MYO3B: variants seen among roughly 807,000 people sequenced by gnomAD.
The protein encoded by MYO3B is myosin IIIB, also known as myosin-IIIb.
In MYO3B, 156 loss-of-function variants were observed where a neutral mutation model predicts 174.6. The ratio of observed to expected loss-of-function variants is 0.89; its 90% confidence interval spans 0.78 to 1.02. MYO3B has a LOEUF of 1.02. Among genes scored for constraint, MYO3B ranks in the 50% least tolerant of loss-of-function variants. MYO3B has a pLI of 0.00. For missense variants in MYO3B, 1,632 were observed against 1,639.4 expected, an observed-to-expected ratio of 1.00 and a Z score of 0.08; for synonymous variants, 563 against 569.1, an observed-to-expected ratio of 0.99 and a Z score of 0.15.
In MYO3B at chr2:170,653,912, C is replaced by CAAAT. The variant is rs1699152261; in HGVS notation, c.*794_*797dup. On this transcript the variant is annotated 3_prime_UTR_variant, in exon 35 of 35. Transcript: ENST00000408978. The stretch of plus-strand genomic sequence containing the variant: ...ATTCTGTAACTCTCCATTCACTGGT[C>CAAAT]AAATAACTCCATGAGGCTATCAGTG... 1 of 152,182 alleles carries CAAAT rather than the reference C, an allele frequency of 6.6e-6. No homozygotes were observed. The highest frequency in any genetic ancestry group is 1.5e-5 in the Non-Finnish European group (1 of 68,046). The allele number at this position is 152,182 out of a possible 1,614,324, so 9.4% of individuals were successfully genotyped here.
chr2:170,428,980 T>G (rs981800860), intron 22 of MYO3B, among the ~76,000 whole-genome samples: 1 of 152,328 alleles, frequency 6.6e-6, no homozygotes, highest in East Asian at 1.9e-4. Flanking sequence ...AAAAAGCAGT[T>G]ATAGTTCCAA....
chr2:170,552,546 T>A (rs530722605), intron 32 of MYO3B, among the ~76,000 whole-genome samples: 1 of 152,286 alleles, frequency 6.6e-6, no homozygotes, highest in East Asian at 1.9e-4. Flanking sequence ...CTTCCAAAAG[T>A]CTACACTCAT....
At chr2:170,576,197 T>TAA (rs1692771739) in intron 32 of MYO3B, among the ~76,000 whole-genome samples, 1 of 152,298 alleles carries the variant, frequency 6.6e-6, no homozygotes, top group South Asian at 2.1e-4. Flanking sequence ...CTACCACTCC[T>TAA]AAAGGCTGAG....
chr2:170,218,493 A>C (rs2092855430), intron 6 of MYO3B, among the ~76,000 whole-genome samples: 1 of 152,214 alleles, frequency 6.6e-6, no homozygotes, highest in Non-Finnish European at 1.5e-5. Context: ...GACAAATGAT[A>C]CTGTTTTGTG....
chr2:170,481,580 A>G (rs573836499), intron 25 of MYO3B, among the ~76,000 whole-genome samples: 1 of 152,326 alleles, frequency 6.6e-6, no homozygotes, highest in South Asian at 2.1e-4. Context: ...TTCAAAAAAA[A>G]ATTTAAAAAT....
chr2:170,607,150 A>G (rs776090070), intron 32 of MYO3B, among the ~76,000 whole-genome samples: 1 of 152,260 alleles, frequency 6.6e-6, no homozygotes, highest in Non-Finnish European at 1.5e-5. Context: ...CTCAGTTATA[A>G]TAAGTCAAAT....
chr2:170,381,920 T>A, intron 9 of MYO3B, 96 bp from the exon 10 acceptor site: 1 of 995,842 alleles, frequency 1.0e-6, no homozygotes, highest in South Asian at 1.5e-5. Context: ...TCTGAACATA[T>A]CACGTGATAA....
At chr2:170,388,101 C>A (rs974813848) in intron 14 of MYO3B, among the ~76,000 whole-genome samples, 2 of 151,720 alleles carry the variant, frequency 1.3e-5, no homozygotes, top group African/African-American at 4.8e-5. Flanking sequence ...TTGTAGGACA[C>A]CAGAGTTTCT....
chr2:170,202,220 C>A (rs2105341584), intron 3 of MYO3B, among the ~76,000 whole-genome samples: 1 of 152,340 alleles, frequency 6.6e-6, no homozygotes, highest in African/African-American at 2.4e-5. Context: ...AGGGTGACCA[C>A]AGTAATGAAG....
intron 30 of MYO3B, among the ~76,000 whole-genome samples, chr2:170,540,684 GCAACAACAA>G (rs139653410): frequency 1.3e-5 from 2 of 149,096 alleles, no homozygotes; most frequent in Non-Finnish European, 1.5e-5. Flanking sequence ...CAAAAAAACA[GCAACAACAA>G]CAACAACAAC....
chr2:170,239,839 G>A (rs970413709), intron 7 of MYO3B, among the ~76,000 whole-genome samples: 1 of 152,206 alleles, frequency 6.6e-6, no homozygotes, highest in African/African-American at 2.4e-5. Flanking sequence ...AAACTCGGTG[G>A]ATTAAAGCAA....
intron 32 of MYO3B, among the ~76,000 whole-genome samples, chr2:170,595,823 C>G (rs1168124790): frequency 2.0e-5 from 3 of 151,976 alleles, no homozygotes; most frequent in Non-Finnish European, 4.4e-5. Context: ...GGCTTCTCTT[C>G]TCACTGTTAT....
intron 25 of MYO3B, among the ~76,000 whole-genome samples, chr2:170,493,192 A>T (rs1341053065): frequency 6.6e-6 from 1 of 152,190 alleles, no homozygotes; most frequent in Non-Finnish European, 1.5e-5. Context: ...ATATCTAAAC[A>T]AGCAAAAGCT....
chr2:170,372,594 T>A (rs558687861), intron 9 of MYO3B, among the ~76,000 whole-genome samples: 4 of 152,292 alleles, frequency 2.6e-5, no homozygotes, highest in African/African-American at 9.6e-5. Flanking sequence ...GCAAATCAGA[T>A]GCAGTTCCTG....
At chr2:170,643,204 T>C (rs532082205) in intron 32 of MYO3B, among the ~76,000 whole-genome samples, 4 of 152,206 alleles carry the variant, frequency 2.6e-5, no homozygotes, top group South Asian at 2.1e-4. Flanking sequence ...GCCTCTGTTA[T>C]CTCTTTAGGG....
intron 22 of MYO3B, among the ~76,000 whole-genome samples, chr2:170,437,863 A>G (rs1574977688): frequency 6.6e-6 from 1 of 152,118 alleles, no homozygotes; most frequent in Admixed American, 6.5e-5. Context: ...AACTTCCTTC[A>G]GCACCTTTTT....
At chr2:170,273,697 A>G (rs1380050678) in intron 7 of MYO3B, among the ~76,000 whole-genome samples, 4 of 152,044 alleles carry the variant, frequency 2.6e-5, no homozygotes, top group South Asian at 2.1e-4. Context: ...AACTCAGCTC[A>G]TATGTCACTT....
intron 7 of MYO3B, among the ~76,000 whole-genome samples, chr2:170,295,511 G>A (rs2093623735): frequency 6.6e-6 from 1 of 151,858 alleles, no homozygotes; most frequent in Non-Finnish European, 1.5e-5. Flanking sequence ...AAGAATATAT[G>A]GGACTTAAAA....
In MYO3B at chr2:170,554,716, T is replaced by C. The variant is rs75565034; in HGVS notation, c.3733+10728T>C. On this transcript the variant is annotated intron_variant, in intron 32 of 34. Coordinates refer to ENST00000408978, the MANE Select transcript of MYO3B (RefSeq NM_138995.5). The stretch of plus-strand genomic sequence containing the variant: ...GTGCTTTCCTGAGTTCGTTAGGTCA[T>C]GATGCACTTTTTGCCAATGCCAAGT... 6.6e-4 allele frequency among the ~76,000 whole-genome samples: 101 copies of C among 152,358 alleles called. 1 individual carries two copies. The East Asian group carries it at 0.018, about 27-fold the overall frequency.
Sources: gnomAD v4.1 joint callset for allele counts (sites outside exome capture counted in the v4.1 genomes callset) on GRCh38, gnomAD v4.1.1 for gene constraint, MANE v1.5 for transcripts, NCBI Gene and HGNC (gene_info 2026-07-23, HGNC 2026-07-21) for gene names.